MYO10: variants seen among roughly 807,000 people sequenced by gnomAD.
MYO10 encodes myosin X.
Under a neutral mutation model 257.3 loss-of-function variants are expected in MYO10, and 133 were observed. The observed-to-expected ratio is 0.52, with a 90% CI of 0.45 to 0.60. The LOEUF (loss-of-function observed/expected upper bound fraction) is 0.60, where lower values mean the gene tolerates loss of function less well. MYO10 is among the 20% of genes least tolerant of loss of function. The probability of loss-of-function intolerance (pLI) is 0.00; values close to 1 mark genes in which losing one functional copy is unlikely to be tolerated. For synonymous variants in MYO10, 1,104 were observed against 1,028.6 expected, an observed-to-expected ratio of 1.07 and a Z score of -1.40; for missense variants, 2,399 against 2,635.7, an observed-to-expected ratio of 0.91 and a Z score of 1.97.
At chr5:16,750,577 A>T (rs970616982) in intron 19 of MYO10, among the ~76,000 whole-genome samples, 4 of 152,174 alleles carry the variant, frequency 2.6e-5, no homozygotes, top group African/African-American at 4.8e-5. Context: ...CGAGTGTGTG[A>T]GTCTTTATGC....
chr5:16,812,307 G>C (rs1204397943), intron 3 of MYO10, among the ~76,000 whole-genome samples: 1 of 152,196 alleles, frequency 6.6e-6, no homozygotes, highest in Non-Finnish European at 1.5e-5. Flanking sequence ...GGCAGTTACA[G>C]CCAGCGCAGA....
chr5:16,910,953 A>T (rs1464888585), intron 1 of MYO10, among the ~76,000 whole-genome samples: 11 of 151,960 alleles, frequency 7.2e-5, no homozygotes, highest in Admixed American at 4.6e-4. Context: ...CACAGCTCTT[A>T]AATAAAAAAA....
In MYO10 at chr5:16,920,043, G is replaced by A. The variant is rs566165037; in HGVS notation, c.21+15745C>T. On this transcript the variant is annotated intron_variant, in intron 1 of 40. Coordinates refer to ENST00000513610, the MANE Select transcript of MYO10 (RefSeq NM_012334.3). ...GGAGAATCACTTGAACCCAGGAGGCGGAGACTGCGGTAAGCTGACATTGTG... is the reference window on the plus strand; with the variant it reads ...GGAGAATCACTTGAACCCAGGAGGCAGAGACTGCGGTAAGCTGACATTGTG... Among the ~76,000 whole-genome samples the A allele has an allele frequency of 3.3e-5, 5 of 152,024 alleles. No individual in the cohort carries two copies. In the East Asian group the frequency reaches 7.8e-4, roughly 24 times the overall value.
chr5:16,823,375 G>A (rs1022727739), intron 2 of MYO10, among the ~76,000 whole-genome samples: 4 of 134,352 alleles, frequency 3.0e-5, no homozygotes, highest in South Asian at 2.7e-4. Flanking sequence ...AACCCGGGGG[G>A]CAGATGTTGT....
At position 16,698,898 on chromosome 5, in the gene MYO10, C is replaced by T. The variant is rs1237755894; in HGVS notation, c.3556+552G>A. ...TCGGCCTCCCAAAGTGCTGGGATTA[C>T]AGGCGTGAGCCACCACGCCCGGCCG... On this transcript the variant is annotated intron_variant, in intron 26 of 40. Transcript: ENST00000513610. 1.5e-4 allele frequency among the ~76,000 whole-genome samples: 21 copies of T among 143,812 alleles called. 1 individual carries two copies. The highest frequency in any genetic ancestry group is 6.2e-4 in the African/African-American group (21 of 33,720). The allele number at this position is 143,812 out of a possible 152,430, so 94.3% of individuals were successfully genotyped here.
At chr5:16,812,009 C>T (rs1235244993) in intron 3 of MYO10, among the ~76,000 whole-genome samples, 7 of 152,188 alleles carry the variant, frequency 4.6e-5, no homozygotes, top group Admixed American at 4.6e-4. Context: ...CAGGTCTTAG[C>T]AGGCGGTGAC....
At position 16,675,030 on chromosome 5, in the gene MYO10, C is replaced by T; in HGVS notation, c.4787G>A (p.Gly1596Glu). The change falls in exon 35 of 41, where the codon GGG becomes GAG. Residue 1596 changes from glycine (G) to glutamate (E), a missense_variant. Physicochemically the swap from Gly to Glu is moderately conservative, Grantham distance 98. Transcript: ENST00000513610. ...GTCCCGCAGAGGTCGCAGGTCATGCCCTGTCTGTAGGATGCCCTGGATTAT... is the reference window on the plus strand; with the variant it reads ...GTCCCGCAGAGGTCGCAGGTCATGCTCTGTCTGTAGGATGCCCTGGATTAT... ...IPIIQGILQT[G>E]HDLRPLRDEL... 1.9e-6 allele frequency: 3 copies of T among 1,613,944 alleles called. No homozygotes were observed. Among genetic ancestry groups the T allele is most frequent in the Non-Finnish European group, 2.5e-6 (3 of 1,179,890 alleles).
intron 19 of MYO10, among the ~76,000 whole-genome samples, chr5:16,721,344 C>T (rs989164590): frequency 6.6e-6 from 1 of 152,102 alleles, no homozygotes; most frequent in Admixed American, 6.5e-5. Flanking sequence ...GAACAATGTT[C>T]AAAAGCATCG....
At chr5:16,681,203 T>TG in intron 32 of MYO10, 106 bp downstream of exon 32, 3 of 1,233,836 alleles carry the variant, frequency 2.4e-6, no homozygotes, top group Non-Finnish European at 2.2e-6. Context: ...ACAACTTCTT[T>TG]GGGGGGAAAT....
At chr5:16,792,122 CACACACACACAGAG>C (rs1466890734) in intron 4 of MYO10, among the ~76,000 whole-genome samples, 18 of 121,918 alleles carry the variant, frequency 1.5e-4, no homozygotes, top group Admixed American at 3.4e-4. Context: ...CACACACACA[CACACACACACAGAG>C]AGAGAGAGAG....
At chr5:16,686,530 T>C (rs183746474) in intron 28 of MYO10, among the ~76,000 whole-genome samples, 1 of 152,084 alleles carries the variant, frequency 6.6e-6, no homozygotes, top group African/African-American at 2.4e-5. Context: ...GAATGGCCAC[T>C]AGATGTCTAT....
chr5:16,922,932 G>A (rs557531936), intron 1 of MYO10, among the ~76,000 whole-genome samples: 1 of 152,288 alleles, frequency 6.6e-6, no homozygotes, highest in Non-Finnish European at 1.5e-5. Flanking sequence ...TGGGGAGGCT[G>A]AGGCAAGAGG....
intron 3 of MYO10, among the ~76,000 whole-genome samples, chr5:16,812,828 T>C (rs1199118930): frequency 2.0e-5 from 3 of 152,132 alleles, no homozygotes; most frequent in South Asian, 2.1e-4. Flanking sequence ...TTTTAAAAAC[T>C]GGTGTTCAGA....
chr5:16,817,887 A>C, intron 3 of MYO10, 122 bp downstream of exon 3: 1 of 938,902 alleles, frequency 1.1e-6, no homozygotes, highest in Non-Finnish European at 1.4e-6. Context: ...AAATCCCTTG[A>C]AAACATAATT....
chr5:16,929,914 G>A (rs559653374), intron 1 of MYO10, among the ~76,000 whole-genome samples: 22 of 152,126 alleles, frequency 1.4e-4, no homozygotes, highest in East Asian at 7.7e-4. Context: ...TCAAAGAACT[G>A]TAAGATACTT....
chr5:16,669,702 G>A (rs753647151), intron 39 of MYO10, among the ~76,000 whole-genome samples: 15 of 152,012 alleles, frequency 9.9e-5, no homozygotes, highest in Non-Finnish European at 1.5e-4. Context: ...AGCCACCCAC[G>A]GATTCTAGAA....
chr5:16,773,065 T>A (rs568441262), intron 9 of MYO10, among the ~76,000 whole-genome samples: 1 of 152,214 alleles, frequency 6.6e-6, no homozygotes, highest in African/African-American at 2.4e-5. Flanking sequence ...TAATTATGTG[T>A]TCATTATATC....
intron 2 of MYO10, among the ~76,000 whole-genome samples, chr5:16,847,222 C>G (rs1178081470): frequency 6.6e-6 from 1 of 151,950 alleles, no homozygotes; most frequent in African/African-American, 2.4e-5. Context: ...ACGAGGTTAG[C>G]AGACCATCCT....
chr5:16,883,263 C>T (rs1744808889), intron 1 of MYO10, among the ~76,000 whole-genome samples: 1 of 152,110 alleles, frequency 6.6e-6, no homozygotes, highest in East Asian at 1.9e-4. Flanking sequence ...CTCAAATGCA[C>T]ATGAACATTC....
Sources: gnomAD v4.1 joint callset for allele counts (sites outside exome capture counted in the v4.1 genomes callset) on GRCh38, gnomAD v4.1.1 for gene constraint, MANE v1.5 for transcripts, NCBI Gene and HGNC (gene_info 2026-07-23, HGNC 2026-07-21) for gene names.